Variants in CPEB2 observed in about 807,000 individuals in gnomAD.
CPEB2 encodes the protein cytoplasmic polyadenylation element binding protein 2.
CPEB2 carries 56 observed loss-of-function variants against 93.6 expected under a neutral mutation model. That is an observed-to-expected ratio of 0.60 (90% CI 0.48 to 0.75). CPEB2 has a LOEUF of 0.75. Among genes scored for constraint, CPEB2 ranks in the 30% least tolerant of loss-of-function variants. CPEB2 has a pLI of 0.00. For missense variants in CPEB2, 1,579 were observed against 1,395.1 expected (o/e 1.13, Z -2.10); for synonymous variants, 764 against 586.3 (o/e 1.30, Z -4.38).
chr4:15,051,988 A>G (rs1003037374), intron 6 of CPEB2, among the ~76,000 whole-genome samples: 2 of 152,206 alleles, frequency 1.3e-5, no homozygotes, highest in Admixed American at 1.3e-4. Context: ...CCTCATCCTT[A>G]CTTACTGTAG....
chr4:15,032,216 A>G (rs1024912250), intron 4 of CPEB2, among the ~76,000 whole-genome samples: 4 of 151,904 alleles, frequency 2.6e-5, no homozygotes, highest in Non-Finnish European at 4.4e-5. Context: ...TCCTTTTTCT[A>G]CCTCCCAGCT....
At chr4:15,041,322 C>T (rs1321362022) in intron 6 of CPEB2, among the ~76,000 whole-genome samples, 1 of 151,658 alleles carries the variant, frequency 6.6e-6, no homozygotes, top group Non-Finnish European at 1.5e-5. Flanking sequence ...AGTGCCACAC[C>T]GAATAAAAAG....
At chr4:15,060,575 G>A (rs1310638898) in intron 10 of CPEB2, among the ~76,000 whole-genome samples, 1 of 152,110 alleles carries the variant, frequency 6.6e-6, no homozygotes. Flanking sequence ...TGGGTGGATA[G>A]TGATGCCTTT....
intron 7 of CPEB2, among the ~76,000 whole-genome samples, chr4:15,053,674 A>G (rs1398536247): frequency 6.6e-6 from 1 of 152,216 alleles, no homozygotes; most frequent in Non-Finnish European, 1.5e-5. Flanking sequence ...ACTACCAGGC[A>G]TGTATCAGAC....
chr4:15,040,616 C>G (rs1388934788), intron 6 of CPEB2, 129 bp downstream of exon 6: 2 of 784,938 alleles, frequency 2.5e-6, no homozygotes, highest in Non-Finnish European at 3.9e-6. Flanking sequence ...GATTTGAGCA[C>G]TTGTCGAAGT....
chr4:15,015,080 G>T (rs1723965326), intron 3 of CPEB2, among the ~76,000 whole-genome samples: 1 of 152,086 alleles, frequency 6.6e-6, no homozygotes, highest in East Asian at 1.9e-4. Context: ...TTCAGACGAA[G>T]AAACTAATTG....
At chr4:15,036,996 G>A (rs1369395694) in intron 5 of CPEB2, among the ~76,000 whole-genome samples, 1 of 152,018 alleles carries the variant, frequency 6.6e-6, no homozygotes, top group East Asian at 1.9e-4. Context: ...TTTCTTTTGG[G>A]TCTTGAAAAG....
chr4:15,050,279 C>G (rs1235286196), intron 6 of CPEB2, among the ~76,000 whole-genome samples: 1 of 152,080 alleles, frequency 6.6e-6, no homozygotes, highest in African/African-American at 2.4e-5. Context: ...GTTGTGTGCT[C>G]CTTATGAGAA....
At chr4:15,015,093 T>G (rs759760954) in intron 3 of CPEB2, among the ~76,000 whole-genome samples, 1 of 152,022 alleles carries the variant, frequency 6.6e-6, no homozygotes, top group Non-Finnish European at 1.5e-5. Flanking sequence ...ACTAATTGCT[T>G]CTTATAAAGT....
intron 4 of CPEB2, among the ~76,000 whole-genome samples, chr4:15,031,115 T>C (rs919517118): frequency 2.0e-5 from 3 of 152,120 alleles, no homozygotes; most frequent in Non-Finnish European, 2.9e-5. Context: ...CTAGCATATT[T>C]TATTGAAATT....
At chr4:15,059,563 C>G (rs973491276) in intron 10 of CPEB2, among the ~76,000 whole-genome samples, 1 of 152,100 alleles carries the variant, frequency 6.6e-6, no homozygotes, top group Admixed American at 6.6e-5. Context: ...AAGAATCCAC[C>G]TAAATACTTC....
chr4:15,036,257 A>G (rs984239474), intron 5 of CPEB2, among the ~76,000 whole-genome samples: 2 of 152,224 alleles, frequency 1.3e-5, no homozygotes, highest in Non-Finnish European at 2.9e-5. Context: ...TAAAAAAACC[A>G]TATAAATATA....
At chr4:15,043,799 TTAG>T (rs775226476) in intron 6 of CPEB2, among the ~76,000 whole-genome samples, 2 of 152,136 alleles carry the variant, frequency 1.3e-5, no homozygotes, top group East Asian at 3.9e-4. Context: ...AGAGCTTGAG[TTAG>T]TAGATTACAT....
At chr4:15,034,312 C>T (rs1366733561) in intron 5 of CPEB2, among the ~76,000 whole-genome samples, 2 of 152,110 alleles carry the variant, frequency 1.3e-5, no homozygotes, top group Non-Finnish European at 2.9e-5. Flanking sequence ...AAGCAAAGAG[C>T]TTAGTAGCCA....
intron 6 of CPEB2, among the ~76,000 whole-genome samples, chr4:15,051,591 T>G (rs1728225131): frequency 2.0e-5 from 3 of 152,250 alleles, no homozygotes; most frequent in Non-Finnish European, 1.5e-5. Context: ...CACTTAGAGA[T>G]TTAGGAAATC....
In CPEB2 at chr4:15,023,709, C is replaced by G. The variant is rs547788814; in HGVS notation, c.2125+6431C>G. ...AGTCTCCTTCCTCCTCCTTGTCTGT[C>G]CACTTCAGATTCCTGCTCCTTACTG... On this transcript the variant is annotated intron_variant, in intron 4 of 11. Transcript: ENST00000538197. Among the ~76,000 whole-genome samples, 6 of 151,374 alleles carry G rather than the reference C, an allele frequency of 4.0e-5. No homozygotes were observed. In the South Asian group the frequency reaches 1.3e-3, roughly 32 times the overall value.
At chr4:15,029,899 C>A (rs1041501342) in intron 4 of CPEB2, among the ~76,000 whole-genome samples, 8 of 152,228 alleles carry the variant, frequency 5.3e-5, no homozygotes, top group African/African-American at 1.9e-4. Flanking sequence ...TACAGTACTT[C>A]CCAGAAATTG....
intron 4 of CPEB2, among the ~76,000 whole-genome samples, chr4:15,026,840 C>T (rs993405883): frequency 1.3e-5 from 2 of 152,044 alleles, no homozygotes; most frequent in African/African-American, 4.8e-5. Flanking sequence ...TTAGCTTTTT[C>T]TGTGTTTATT....
At chr4:15,031,296 G>T (rs1205320141) in intron 4 of CPEB2, among the ~76,000 whole-genome samples, 1 of 151,172 alleles carries the variant, frequency 6.6e-6, no homozygotes, top group Non-Finnish European at 1.5e-5. Flanking sequence ...TAAATCTTAA[G>T]TCAGAAATAA....
Sources: allele counts gnomAD v4.1 joint callset (sites outside exome capture counted in the v4.1 genomes callset), GRCh38; gene constraint gnomAD v4.1.1; transcripts MANE v1.5; gene names NCBI Gene and HGNC (gene_info 2026-07-23, HGNC 2026-07-21).